TTC28: variants seen among roughly 807,000 people sequenced by gnomAD.
The protein encoded by TTC28 is tetratricopeptide repeat domain 28, also known as tetratricopeptide repeat protein 28.
In TTC28, 61 loss-of-function variants were observed where a neutral mutation model predicts 198.0. The ratio of observed to expected loss-of-function variants is 0.31; its 90% CI spans 0.25 to 0.38. TTC28 has a LOEUF of 0.38. Among genes scored for constraint, TTC28 ranks in the 10% least tolerant of loss-of-function variants. The pLI is 1.00. For synonymous variants in TTC28, 1,171 were observed against 1,297.8 expected, an observed-to-expected ratio of 0.90 and a Z score of 2.10; for missense variants, 2,678 against 3,164.0, an observed-to-expected ratio of 0.85 and a Z score of 3.69.
intron 19 of TTC28, chr22:27,992,336 G>A (rs1198538796): frequency 5.5e-6 from 3 of 543,470 alleles, no homozygotes; most frequent in Admixed American, 3.3e-5. Flanking sequence ...CTGCTGGTAC[G>A]ACCTCCCATC....
At chr22:28,474,517 T>C (rs2048136717) in intron 2 of TTC28, among the ~76,000 whole-genome samples, 1 of 152,120 alleles carries the variant, frequency 6.6e-6, no homozygotes, top group African/African-American at 2.4e-5. Context: ...ATACCAGGTG[T>C]GGTTAGAGGG....
At chr22:28,396,183 A>C (rs1312619869) in intron 2 of TTC28, among the ~76,000 whole-genome samples, 1 of 152,244 alleles carries the variant, frequency 6.6e-6, no homozygotes, top group East Asian at 1.9e-4. Flanking sequence ...AAAGAGTGAC[A>C]CATCAAAGAA....
intron 2 of TTC28, among the ~76,000 whole-genome samples, chr22:28,429,326 C>A (rs896891888): frequency 3.9e-5 from 6 of 152,142 alleles, no homozygotes; most frequent in African/African-American, 1.2e-4. Flanking sequence ...CCAAAGCTAC[C>A]TTTCTCCCTC....
At chr22:28,328,814 A>C (rs182324476) in intron 2 of TTC28, among the ~76,000 whole-genome samples, 113 of 149,872 alleles carry the variant, frequency 7.5e-4, no homozygotes, top group Non-Finnish European at 1.2e-4. Flanking sequence ...TATGTTCTGA[A>C]GAGGTATAAG....
At chr22:28,554,627 T>G (rs1449282351) in intron 2 of TTC28, among the ~76,000 whole-genome samples, 1 of 152,074 alleles carries the variant, frequency 6.6e-6, no homozygotes, top group African/African-American at 2.4e-5. Context: ...TCCCAGCACT[T>G]TGGGAGGCTG....
chr22:28,652,024 G>C (rs142240069), intron 1 of TTC28, among the ~76,000 whole-genome samples: 244 of 151,774 alleles, frequency 1.6e-3, no homozygotes, highest in African/African-American at 5.5e-3. Flanking sequence ...ATTTTTAGTA[G>C]AGACAGGGTT....
At chr22:28,479,113 T>C (rs1271698206) in intron 2 of TTC28, among the ~76,000 whole-genome samples, 2 of 151,712 alleles carry the variant, frequency 1.3e-5, no homozygotes, top group Non-Finnish European at 2.9e-5. Context: ...CCGGACCAAG[T>C]TTCAAATGCA....
At chr22:28,058,283 T>C (rs999267144) in intron 12 of TTC28, among the ~76,000 whole-genome samples, 14 of 152,150 alleles carry the variant, frequency 9.2e-5, no homozygotes, top group African/African-American at 2.9e-4. Context: ...CCACAGTCTC[T>C]GAACTTCTGC....
intron 6 of TTC28, among the ~76,000 whole-genome samples, chr22:28,144,889 T>G (rs1295655497): frequency 6.6e-6 from 1 of 152,226 alleles, no homozygotes; most frequent in Non-Finnish European, 1.5e-5. Flanking sequence ...AGCACTGGTT[T>G]GTATTTGAAA....
chr22:28,657,605 G>A (rs189079650), intron 1 of TTC28, among the ~76,000 whole-genome samples: 45 of 152,328 alleles, frequency 3.0e-4, no homozygotes, highest in East Asian at 3.9e-4. Flanking sequence ...TGGGCTGGGC[G>A]TGGTGGCTCA....
At chr22:28,165,298 C>A (rs181534770) in intron 5 of TTC28, among the ~76,000 whole-genome samples, 472 of 152,194 alleles carry the variant, frequency 3.1e-3, no homozygotes, top group Non-Finnish European at 5.1e-3. Flanking sequence ...GCAAGGCAGG[C>A]CAACATTCAA....
At chr22:28,576,397 G>T (rs771297737) in intron 2 of TTC28, among the ~76,000 whole-genome samples, 4 of 151,988 alleles carry the variant, frequency 2.6e-5, no homozygotes, top group African/African-American at 9.7e-5. Context: ...ATTTGGGTGA[G>T]GATTTTTGCA....
At chr22:28,568,970 A>G (rs1212970590) in intron 2 of TTC28, among the ~76,000 whole-genome samples, 1 of 152,036 alleles carries the variant, frequency 6.6e-6, no homozygotes, top group Non-Finnish European at 1.5e-5. Flanking sequence ...AATATGGTGA[A>G]ACCCCATCTC....
intron 2 of TTC28, among the ~76,000 whole-genome samples, chr22:28,397,841 T>C (rs2046841341): frequency 6.6e-6 from 1 of 152,222 alleles, no homozygotes; most frequent in Non-Finnish European, 1.5e-5. Context: ...ATCCAGATCA[T>C]ATGAATTTCA....
chr22:28,228,614 C>T (rs576863807), intron 5 of TTC28, among the ~76,000 whole-genome samples: 2 of 152,006 alleles, frequency 1.3e-5, no homozygotes, highest in East Asian at 3.9e-4. Flanking sequence ...GCAGGAGAAT[C>T]GCTAGAACCC....
At chr22:28,623,196 C>T (rs2051027927) in intron 2 of TTC28, among the ~76,000 whole-genome samples, 1 of 152,130 alleles carries the variant, frequency 6.6e-6, no homozygotes, top group Admixed American at 6.6e-5. Context: ...AAAGAATCCT[C>T]CTGCCTCAGC....
Position 28,032,235 on chromosome 22 carries a change from AAT to A in TTC28, c.3933-1871_3933-1870del, listed in dbSNP as rs1277019849. Reference sequence around the variant, plus strand: ...ATATATATAAAATATATATATATAAAATATATATATATAAAATATATATATAT... The same window carrying A: ...ATATATATAAAATATATATATATAAAATATATATATAAAATATATATATAT... On this transcript the variant is annotated intron_variant, in intron 12 of 22. Transcript: ENST00000397906. Among the ~76,000 whole-genome samples, 24 of 120,074 alleles carry A rather than the reference AAT, an allele frequency of 2.0e-4. 1 individual carries two copies. The highest frequency in any genetic ancestry group is 3.8e-4 in the African/African-American group (10 of 26,288). 78.8% of individuals were successfully genotyped at this position (120,074 alleles called of 152,430 possible). A position where few individuals can be genotyped will look rare whatever the true frequency, so the allele number is the denominator to read the frequency against.
intron 2 of TTC28, among the ~76,000 whole-genome samples, chr22:28,453,636 T>C (rs988689735): frequency 9.9e-5 from 15 of 152,164 alleles, no homozygotes; most frequent in African/African-American, 3.6e-4. Context: ...GGCCTCAACA[T>C]CCAGTCCACT....
chr22:28,256,792 A>G (rs1258693785), intron 5 of TTC28, among the ~76,000 whole-genome samples: 1 of 152,252 alleles, frequency 6.6e-6, no homozygotes, highest in Non-Finnish European at 1.5e-5. Flanking sequence ...TAATCTCAGC[A>G]TTTTGGGAAG....
Sources: allele counts gnomAD v4.1 joint callset (sites outside exome capture counted in the v4.1 genomes callset), GRCh38; gene constraint gnomAD v4.1.1; transcripts MANE v1.5; gene names NCBI Gene and HGNC (gene_info 2026-07-23, HGNC 2026-07-21).